PLCZ1: variants seen among roughly 807,000 people sequenced by gnomAD.
PLCZ1 encodes phospholipase C zeta 1.
Under a neutral mutation model 76.8 loss-of-function variants are expected in PLCZ1, and 64 were observed. The observed-to-expected ratio is 0.83, with a 90% CI of 0.68 to 1.03. The LOEUF (loss-of-function observed/expected upper bound fraction) is 1.03. PLCZ1 is among the 50% of genes least tolerant of loss of function. The pLI is 0.00. For missense variants in PLCZ1, 751 were observed against 713.7 expected (o/e 1.05, Z -0.60); for synonymous variants, 248 against 230.8 (o/e 1.07, Z -0.68).
At chr12:18,715,896 T>G (rs1957933521) in intron 5 of PLCZ1, 1 of 152,318 alleles carries the variant, frequency 6.6e-6, no homozygotes, top group Non-Finnish European at 1.5e-5. Flanking sequence ...TTCAGAGTTT[T>G]CTTAACTAAT....
At chr12:18,685,678 C>A in intron 13 of PLCZ1, 1 of 515,032 alleles carries the variant, frequency 1.9e-6, no homozygotes, top group African/African-American at 1.9e-5. Flanking sequence ...GAAATAATTT[C>A]ATGGGGTACA....
chr12:18,695,193 C>T, intron 11 of PLCZ1, 114 bp from the exon 12 acceptor site: 1 of 1,055,554 alleles, frequency 9.5e-7, no homozygotes, highest in Non-Finnish European at 1.4e-6. Flanking sequence ...GTTCTATGAG[C>T]AAGTATCATT....
the PLCZ1 span, among the ~76,000 whole-genome samples, chr12:18,662,024 A>G: frequency 6.6e-6 from 1 of 152,162 alleles, no homozygotes; most frequent in Non-Finnish European, 1.5e-5. Context: ...CTAACGCAGG[A>G]ACAGAAAACC....
chr12:18,667,831 A>T, the PLCZ1 span, among the ~76,000 whole-genome samples: 1 of 152,142 alleles, frequency 6.6e-6, no homozygotes, highest in African/African-American at 2.4e-5. Context: ...ACTCCATGCC[A>T]TTTCCACCAC....
At chr12:18,663,925 G>A in the PLCZ1 span, among the ~76,000 whole-genome samples, 2 of 152,238 alleles carry the variant, frequency 1.3e-5, no homozygotes, top group Admixed American at 1.3e-4. Flanking sequence ...CCTGGTTTAA[G>A]TAATAGGCTA....
At chr12:18,662,977 A>C in the PLCZ1 span, among the ~76,000 whole-genome samples, 1 of 152,120 alleles carries the variant, frequency 6.6e-6, no homozygotes, top group Non-Finnish European at 1.5e-5. Flanking sequence ...GTAGAAACCA[A>C]ATAGAAAACT....
intron 9 of PLCZ1, among the ~76,000 whole-genome samples, chr12:18,700,721 C>T (rs1955780997): frequency 6.6e-6 from 1 of 152,030 alleles, no homozygotes; most frequent in African/African-American, 2.4e-5. Context: ...AAATCCCTTT[C>T]ACTGAACTTT....
At chr12:18,697,584 T>A (rs1246583417) in intron 10 of PLCZ1, among the ~76,000 whole-genome samples, 3 of 152,182 alleles carry the variant, frequency 2.0e-5, no homozygotes, top group African/African-American at 7.2e-5. Context: ...AGTTCATGTT[T>A]ACTGTAAAAT....
intron 2 of PLCZ1, chr12:18,736,859 C>T (rs957473503): frequency 2.2e-6 from 1 of 449,406 alleles, no homozygotes; most frequent in African/African-American, 2.0e-5. Context: ...ATTATTACTA[C>T]ATTAGTCCAA....
the PLCZ1 span, among the ~76,000 whole-genome samples, chr12:18,665,679 A>C: frequency 6.6e-6 from 1 of 152,046 alleles, no homozygotes; most frequent in South Asian, 2.1e-4. Context: ...GCTCATGCCT[A>C]TAATCCCAGA....
intron 3 of PLCZ1, among the ~76,000 whole-genome samples, chr12:18,724,357 G>GTTAGATAAC: frequency 2.0e-5 from 3 of 152,104 alleles, no homozygotes; most frequent in Non-Finnish European, 4.4e-5. Context: ...AATGACTGGG[G>GTTAGATAAC]TCAGGGAGAG....
chr12:18,719,116 C>A (rs1422288026), intron 5 of PLCZ1, among the ~76,000 whole-genome samples: 5 of 152,092 alleles, frequency 3.3e-5, no homozygotes, highest in African/African-American at 1.2e-4. Context: ...AAATAAGAGT[C>A]TTCTTCATAT....
At chr12:18,735,526 C>T (rs911567794) in intron 3 of PLCZ1, among the ~76,000 whole-genome samples, 7 of 152,166 alleles carry the variant, frequency 4.6e-5, no homozygotes, top group African/African-American at 1.7e-4. Flanking sequence ...AGGTACAAAT[C>T]ACTGCACACA....
intron 6 of PLCZ1, among the ~76,000 whole-genome samples, chr12:18,705,542 T>C (rs1956488916): frequency 6.6e-6 from 1 of 152,170 alleles, no homozygotes; most frequent in Non-Finnish European, 1.5e-5. Flanking sequence ...TAGGAACAAC[T>C]GAAGCATCCA....
chr12:18,663,645 G>GA, the PLCZ1 span, among the ~76,000 whole-genome samples: 75 of 149,282 alleles, frequency 5.0e-4, no homozygotes, highest in African/African-American at 1.7e-3. Context: ...AAAACTCTTA[G>GA]AAAAAAAAAC....
chr12:18,688,804 C>T (rs1323260851), intron 12 of PLCZ1, among the ~76,000 whole-genome samples: 1 of 151,826 alleles, frequency 6.6e-6, no homozygotes, highest in Admixed American at 6.6e-5. Context: ...AAAATGAGCA[C>T]ACAACAAAAC....
intron 3 of PLCZ1, among the ~76,000 whole-genome samples, chr12:18,726,566 AT>A (rs1164005463): frequency 2.6e-5 from 4 of 152,174 alleles, no homozygotes; most frequent in Non-Finnish European, 5.9e-5. Context: ...GGAAAATAAA[AT>A]TCAAAATAAT....
downstream of PLCZ1, among the ~76,000 whole-genome samples, chr12:18,681,071 T>C (rs1471828054): frequency 6.6e-6 from 1 of 152,072 alleles, no homozygotes; most frequent in Non-Finnish European, 1.5e-5. Flanking sequence ...CTTTGTCGTG[T>C]TCCGTCATGG....
At chr12:18,731,533 CTTTTTTTTT>C (rs34568267) in intron 3 of PLCZ1, among the ~76,000 whole-genome samples, 4 of 94,352 alleles carry the variant, frequency 4.2e-5, no homozygotes, top group South Asian at 4.3e-4. Flanking sequence ...AATAAGCTGT[CTTTTTTTTT>C]TTTTTTTTTT....
Sources: gnomAD v4.1 joint callset for allele counts (sites outside exome capture counted in the v4.1 genomes callset) on GRCh38, gnomAD v4.1.1 for gene constraint, MANE v1.5 for transcripts, NCBI Gene and HGNC (gene_info 2026-07-23, HGNC 2026-07-21) for gene names.